Variants in REC114 observed in about 807,000 individuals in gnomAD.
REC114 encodes the protein meiotic recombination protein REC114.
Under a neutral mutation model 31.3 loss-of-function variants are expected in REC114, and 27 were observed. The ratio of observed to expected loss-of-function variants is 0.86; its 90% CI spans 0.64 to 1.19. The LOEUF (loss-of-function observed/expected upper bound fraction) is 1.19. Among genes scored for constraint, REC114 ranks in the 50% most tolerant of loss-of-function variants. The pLI, the probability that REC114 is intolerant of heterozygous loss-of-function variation, is 0.00. For missense variants in REC114, 344 were observed against 326.9 expected, an observed-to-expected ratio of 1.05 and a Z score of -0.40; for synonymous variants, 134 against 127.7, an observed-to-expected ratio of 1.05 and a Z score of -0.33.
At chr15:73,513,228 T>C (rs1893801505) in intron 2 of REC114, among the ~76,000 whole-genome samples, 3 of 151,290 alleles carry the variant, frequency 2.0e-5, no homozygotes, top group South Asian at 4.2e-4. Flanking sequence ...TTCTTCCAGT[T>C]GATCGCATCG....
intron 2 of REC114, among the ~76,000 whole-genome samples, chr15:73,507,340 C>G (rs534345549): frequency 6.6e-6 from 1 of 152,146 alleles, no homozygotes; most frequent in Non-Finnish European, 1.5e-5. Context: ...CACAAATTTG[C>G]AAACTTTCTC....
chr15:73,468,630 C>T (rs1396913314), intron 1 of REC114, among the ~76,000 whole-genome samples: 6 of 145,898 alleles, frequency 4.1e-5, no homozygotes, highest in African/African-American at 1.3e-4. Context: ...GACATCTTGT[C>T]TTGTTTCTTA....
chr15:73,463,128 T>C (rs990493581), intron 1 of REC114, among the ~76,000 whole-genome samples: 1 of 152,194 alleles, frequency 6.6e-6, no homozygotes, highest in African/African-American at 2.4e-5. Context: ...CTTACAAGTG[T>C]CATAATTCTT....
chr15:73,473,745 A>T, intron 1 of REC114, 87 bp from the exon 2 acceptor site: 1 of 716,860 alleles, frequency 1.4e-6, no homozygotes. Flanking sequence ...GATCAATATG[A>T]GAAAACACTT....
chr15:73,464,483 T>C (rs1214415406), intron 1 of REC114, among the ~76,000 whole-genome samples: 1 of 152,118 alleles, frequency 6.6e-6, no homozygotes, highest in Non-Finnish European at 1.5e-5. Context: ...TATGTAGCTA[T>C]TTTCCTTTGT....
rs749283719 is a variant in REC114 at position 73,550,959 on chromosome 15, G to A, written c.355G>A (p.Val119Ile). ...ACAGGACAAGAGTCGCCTGTTTCGAGTACAGTTCAGTGGAGAGTCAAAGGA... is the reference window on the plus strand; with the variant it reads ...ACAGGACAAGAGTCGCCTGTTTCGAATACAGTTCAGTGGAGAGTCAAAGGA... ...TIKDKSRLFR[V>I]QFSGESKEQA... Residue 119 changes from valine to isoleucine, a missense_variant, in exon 4 of 6, where the codon GTA becomes ATA. Coordinates refer to ENST00000331090, the MANE Select transcript of REC114 (RefSeq NM_001042367.2). 29 of 1,613,766 alleles carry A rather than the reference G, an allele frequency of 1.8e-5. No homozygotes were observed. Among genetic ancestry groups the A allele is most frequent in the African/African-American group, 2.7e-5 (2 of 74,918 alleles).
At chr15:73,539,129 A>G (rs1484776153) in intron 2 of REC114, among the ~76,000 whole-genome samples, 2 of 152,016 alleles carry the variant, frequency 1.3e-5, no homozygotes, top group African/African-American at 2.4e-5. Flanking sequence ...TGAAACTACA[A>G]TTAACTGTAT....
chr15:73,511,366 C>T (rs1055293116), intron 2 of REC114, among the ~76,000 whole-genome samples: 2 of 151,518 alleles, frequency 1.3e-5, no homozygotes, highest in Admixed American at 6.6e-5. Context: ...AGTGGTCTAT[C>T]AATTTTGTTG....
At chr15:73,482,825 C>T (rs373610772) in intron 2 of REC114, among the ~76,000 whole-genome samples, 15 of 151,902 alleles carry the variant, frequency 9.9e-5, no homozygotes, top group African/African-American at 3.4e-4. Flanking sequence ...CTTTGAAACC[C>T]TGCTTTCAAT....
chr15:73,475,043 C>G (rs754207307), intron 2 of REC114, among the ~76,000 whole-genome samples: 17 of 152,152 alleles, frequency 1.1e-4, no homozygotes, highest in Admixed American at 3.9e-4. Context: ...ATGAGTGTTG[C>G]AAATGGTAGA....
intron 5 of REC114, among the ~76,000 whole-genome samples, chr15:73,558,426 C>T (rs1394040995): frequency 6.6e-6 from 1 of 152,194 alleles, no homozygotes; most frequent in East Asian, 1.9e-4. Flanking sequence ...GTTGCCAGAT[C>T]TTCCAAATTG....
At chr15:73,527,676 T>C (rs1489524745) in intron 2 of REC114, among the ~76,000 whole-genome samples, 1 of 152,356 alleles carries the variant, frequency 6.6e-6, no homozygotes, top group South Asian at 2.1e-4. Context: ...TATTCCCTGT[T>C]GGTCAGAAAT....
chr15:73,451,684 C>A (rs138404897), intron 1 of REC114, among the ~76,000 whole-genome samples: 3 of 151,864 alleles, frequency 2.0e-5, no homozygotes, highest in Non-Finnish European at 4.4e-5. Flanking sequence ...ACAAAAAAAA[C>A]GAAAATTTCA....
At chr15:73,488,218 C>T (rs1386518174) in intron 2 of REC114, among the ~76,000 whole-genome samples, 1 of 152,208 alleles carries the variant, frequency 6.6e-6, no homozygotes, top group Admixed American at 6.5e-5. Flanking sequence ...GGTGTGGTAG[C>T]CTCAAAGTTC....
chr15:73,463,155 A>G (rs1448552249), intron 1 of REC114, among the ~76,000 whole-genome samples: 1 of 152,192 alleles, frequency 6.6e-6, no homozygotes. Context: ...ATGGCCAAAA[A>G]TTGTGATTGA....
intron 2 of REC114, among the ~76,000 whole-genome samples, chr15:73,530,838 G>A: frequency 6.6e-6 from 1 of 151,792 alleles, no homozygotes; most frequent in East Asian, 1.9e-4. Context: ...GCTTAAGCCA[G>A]GGTCTAATTT....
At chr15:73,548,422 TA>T (rs1441453680) in intron 3 of REC114, among the ~76,000 whole-genome samples, 6 of 152,148 alleles carry the variant, frequency 3.9e-5, no homozygotes, top group Non-Finnish European at 8.8e-5. Flanking sequence ...AGACACTTTT[TA>T]AAAGTAAGAC....
chr15:73,513,255 C>G (rs970493657), intron 2 of REC114, among the ~76,000 whole-genome samples: 11 of 151,840 alleles, frequency 7.2e-5, no homozygotes, highest in Non-Finnish European at 1.5e-4. Context: ...GAGGCTTCTG[C>G]ATTCTTCACA....
intron 3 of REC114, among the ~76,000 whole-genome samples, chr15:73,548,445 C>T (rs542063204): frequency 6.6e-6 from 1 of 152,148 alleles, no homozygotes; most frequent in Non-Finnish European, 1.5e-5. Flanking sequence ...TACATGCAGC[C>T]AACAACTATA....
Sources: allele counts gnomAD v4.1 joint callset (sites outside exome capture counted in the v4.1 genomes callset), GRCh38; gene constraint gnomAD v4.1.1; transcripts MANE v1.5; gene names NCBI Gene and HGNC (gene_info 2026-07-23, HGNC 2026-07-21).